Variants in OSBPL10 observed in about 807,000 individuals in gnomAD.
OSBPL10 encodes the protein oxysterol-binding protein-related protein 10.
In OSBPL10, 49 loss-of-function variants were observed where a neutral mutation model predicts 81.7. That is an observed-to-expected ratio of 0.60 (90% CI 0.48 to 0.76). OSBPL10 has a LOEUF of 0.76. OSBPL10 is among the 30% of genes least tolerant of loss of function. The pLI is 0.00. For missense variants in OSBPL10, 923 were observed against 987.8 expected (o/e 0.93, Z 0.88); for synonymous variants, 419 against 383.6 (o/e 1.09, Z -1.08).
At chr3:31,754,371 G>T (rs192261211) in intron 4 of OSBPL10, among the ~76,000 whole-genome samples, 1 of 152,148 alleles carries the variant, frequency 6.6e-6, no homozygotes. Flanking sequence ...CTAAGAGAGT[G>T]ACGGTGGCAA....
At chr3:31,695,294 T>C (rs147314589) in intron 7 of OSBPL10, among the ~76,000 whole-genome samples, 7 of 152,302 alleles carry the variant, frequency 4.6e-5, no homozygotes, top group African/African-American at 7.2e-5. Context: ...GAAATCCACA[T>C]AGGGTTACAA....
At chr3:31,671,924 G>A (rs1700332327) in intron 8 of OSBPL10, among the ~76,000 whole-genome samples, 1 of 152,054 alleles carries the variant, frequency 6.6e-6, no homozygotes, top group Non-Finnish European at 1.5e-5. Flanking sequence ...TCTTCACAAG[G>A]CACCTCTCAG....
chr3:31,756,420 C>T (rs1452927057), intron 4 of OSBPL10, among the ~76,000 whole-genome samples: 2 of 152,144 alleles, frequency 1.3e-5, no homozygotes, highest in Non-Finnish European at 2.9e-5. Context: ...CCATCAACAA[C>T]CATCCCAACA....
chr3:31,933,080 G>A (rs13433961), intron 1 of OSBPL10, among the ~76,000 whole-genome samples: 41,997 of 152,042 alleles, frequency 0.28, 6,983 homozygotes, highest in East Asian at 0.55. Context: ...CAACTCAGAA[G>A]AGTTTAAAGA....
At position 31,851,931 on chromosome 3, in the gene OSBPL10, G is replaced by T. The variant is rs116597740; in HGVS notation, c.538-21700C>A. Among the ~76,000 whole-genome samples the T allele has an allele frequency of 1.5e-3, 227 of 152,294 alleles. 1 individual carries two copies. Among genetic ancestry groups the T allele is most frequent in the Middle Eastern group, 6.8e-3 (2 of 294 alleles). ...GTCTCAAAGACATGATGGATAGGCT[G>T]TCTTGCATCTGGCAAAGAGAACAAG... On this transcript the variant is annotated intron_variant, in intron 3 of 11. Coordinates refer to ENST00000396556, the MANE Select transcript of OSBPL10 (RefSeq NM_017784.5).
chr3:31,670,195 C>G (rs1700288254), intron 9 of OSBPL10, among the ~76,000 whole-genome samples: 1 of 152,172 alleles, frequency 6.6e-6, no homozygotes, highest in Admixed American at 6.5e-5. Flanking sequence ...CAGAATAATG[C>G]TTTCCAAGAA....
At chr3:31,817,847 G>A (rs376631833) in intron 4 of OSBPL10, among the ~76,000 whole-genome samples, 4 of 152,246 alleles carry the variant, frequency 2.6e-5, no homozygotes, top group South Asian at 2.1e-4. Context: ...ATCAATGCCT[G>A]TAATCCCAAC....
chr3:32,006,595 T>C (rs1403917850), intron 2 of OSBPL10, among the ~76,000 whole-genome samples: 1 of 152,242 alleles, frequency 6.6e-6, no homozygotes, highest in Non-Finnish European at 1.5e-5. Flanking sequence ...TATCTTTCCA[T>C]TGGATCTTGG....
chr3:31,883,394 G>A (rs975037470), intron 1 of OSBPL10, among the ~76,000 whole-genome samples: 1 of 151,488 alleles, frequency 6.6e-6, no homozygotes, highest in African/African-American at 2.4e-5. Context: ...ACACCACCAC[G>A]CCCAGCTAAT....
intron 1 of OSBPL10, among the ~76,000 whole-genome samples, chr3:31,912,523 C>A (rs1314363337): frequency 6.6e-6 from 1 of 152,106 alleles, no homozygotes; most frequent in Non-Finnish European, 1.5e-5. Context: ...TTTCTAAACT[C>A]TTAGAATGAA....
At chr3:31,825,670 T>G (rs970470441) in intron 4 of OSBPL10, among the ~76,000 whole-genome samples, 3 of 152,190 alleles carry the variant, frequency 2.0e-5, no homozygotes, top group African/African-American at 7.2e-5. Context: ...GAGATTATAT[T>G]CCTTTTGGGG....
At chr3:32,008,718 C>G (rs1699226379) in intron 2 of OSBPL10, among the ~76,000 whole-genome samples, 1 of 149,214 alleles carries the variant, frequency 6.7e-6, no homozygotes. Flanking sequence ...CTACTACACT[C>G]CACCACACTC....
intron 3 of OSBPL10, among the ~76,000 whole-genome samples, chr3:31,832,437 G>C (rs987099764): frequency 6.6e-6 from 1 of 152,120 alleles, no homozygotes; most frequent in African/African-American, 2.4e-5. Context: ...CTCAGCTTGA[G>C]AAAAGGCAAG....
intron 4 of OSBPL10, among the ~76,000 whole-genome samples, chr3:31,759,950 C>G (rs1417883249): frequency 1.3e-5 from 2 of 152,056 alleles, no homozygotes; most frequent in Admixed American, 1.3e-4. Flanking sequence ...TTAGTAGAGA[C>G]AGGGTTTTGC....
intron 4 of OSBPL10, among the ~76,000 whole-genome samples, chr3:31,772,573 C>T (rs1287262117): frequency 6.6e-6 from 1 of 152,182 alleles, no homozygotes; most frequent in Non-Finnish European, 1.5e-5. Context: ...ATTTGAACCC[C>T]CTCCAAGGGG....
Position 31,830,139 on chromosome 3 carries a change from C to T in OSBPL10, c.630G>A (p.Val210=). The T allele has an allele frequency of 6.2e-7, 1 of 1,614,142 alleles. No homozygotes were observed. The highest frequency in any genetic ancestry group is 8.5e-7 in the Non-Finnish European group (1 of 1,180,026). Residue 210 remains valine, a synonymous_variant, in exon 4 of 12, where the codon GTG becomes GTA. Transcript: ENST00000396556. ...TGATTGTGACAACACCGGGGGCCCC[C>T]ACACTGAGGTGTCTCTGGCTACAGG... ...ASPCSQRHLS[V]GAPGVVTITH...
intron 1 of OSBPL10, among the ~76,000 whole-genome samples, chr3:31,905,437 T>C (rs1696381396): frequency 6.8e-6 from 1 of 147,766 alleles, no homozygotes; most frequent in African/African-American, 2.5e-5. Context: ...GCAACCTCCG[T>C]CTCCCGGGTT....
At chr3:31,893,083 G>A (rs1412129566) in intron 1 of OSBPL10, among the ~76,000 whole-genome samples, 2 of 152,218 alleles carry the variant, frequency 1.3e-5, no homozygotes, top group East Asian at 3.9e-4. Context: ...AAATGTTAAT[G>A]TGCTCCCTCC....
chr3:31,945,153 A>T (rs201419227), intron 1 of OSBPL10, among the ~76,000 whole-genome samples: 6 of 146,628 alleles, frequency 4.1e-5, no homozygotes, highest in East Asian at 6.3e-4. Context: ...CCGTCTCAAA[A>T]AAAAAAAAAA....
Sources: gnomAD v4.1 joint callset for allele counts (sites outside exome capture counted in the v4.1 genomes callset) on GRCh38, gnomAD v4.1.1 for gene constraint, MANE v1.5 for transcripts, NCBI Gene and HGNC (gene_info 2026-07-23, HGNC 2026-07-21) for gene names.